The following BBOF1 variants were observed in gnomAD, a reference collection of about 807,000 sequenced individuals.
BBOF1 encodes the protein basal body-orientation factor 1.
Under a neutral mutation model 68.0 loss-of-function variants are expected in BBOF1, and 62 were observed. The observed-to-expected ratio is 0.91, with a 90% CI of 0.74 to 1.13. The LOEUF is 1.13. Among genes scored for constraint, BBOF1 ranks in the 50% most tolerant of loss-of-function variants. The pLI, the probability that BBOF1 is intolerant of heterozygous loss-of-function variation, is 0.00. For missense variants in BBOF1, 534 were observed against 600.1 expected (o/e 0.89, Z 1.15); for synonymous variants, 208 against 198.8 (o/e 1.05, Z -0.39).
In BBOF1 at chr14:74,051,201, G is replaced by A. The variant is rs150477809; in HGVS notation, c.1286+1006G>A. Among the ~76,000 whole-genome samples the A allele has an allele frequency of 9.0e-4, 137 of 151,506 alleles. 1 individual carries two copies. The East Asian group carries it at 0.019, about 21-fold the overall frequency. On this transcript the variant is annotated intron_variant, in intron 8 of 11. Coordinates refer to ENST00000394009, the MANE Select transcript of BBOF1 (RefSeq NM_025057.3). Reference sequence around the variant, plus strand: ...GGAGGTTTCAATGAGCCAAGATCACGCCATTGCACTCCAGCCTGGGTGACA... The same window carrying A: ...GGAGGTTTCAATGAGCCAAGATCACACCATTGCACTCCAGCCTGGGTGACA...
At chr14:74,051,792 C>G (rs1459128900) in intron 8 of BBOF1, among the ~76,000 whole-genome samples, 1 of 151,686 alleles carries the variant, frequency 6.6e-6, no homozygotes, top group Non-Finnish European at 1.5e-5. Flanking sequence ...CTTAAAAGGA[C>G]TGCAGCCTGG....
Position 74,046,043 on chromosome 14 carries a change from C to A in BBOF1, c.577-17C>A, listed in dbSNP as rs751441701. 2.7e-5 allele frequency: 43 copies of A among 1,590,766 alleles called. No homozygotes were observed. Among genetic ancestry groups the A allele is most frequent in the Non-Finnish European group, 3.7e-5 (43 of 1,169,988 alleles). On this transcript the variant is annotated splice_polypyrimidine_tract_variant and intron_variant, in intron 5 of 11. Coordinates refer to ENST00000394009, the MANE Select transcript of BBOF1 (RefSeq NM_025057.3). Reference sequence around the variant, plus strand: ...GTTAGGGGCATAATTATTTAAGCAGCCCATTTTCTTTTTTAGCACCGACTA... The same window carrying A: ...GTTAGGGGCATAATTATTTAAGCAGACCATTTTCTTTTTTAGCACCGACTA...
chr14:74,069,101 CTTTTTTTTTT>C (rs900873855), downstream of BBOF1: 42 of 461,988 alleles, frequency 9.1e-5, no homozygotes, highest in Non-Finnish European at 1.2e-4. Flanking sequence ...TTTACTTTTT[CTTTTTTTTTT>C]TTTTTTTTTT....
intron 3 of BBOF1, among the ~76,000 whole-genome samples, chr14:74,031,462 T>C (rs1243300282): frequency 6.6e-6 from 1 of 152,150 alleles, no homozygotes; most frequent in African/African-American, 2.4e-5. Context: ...TATATCATAG[T>C]TTATTCAAAT....
At chr14:74,025,907 G>C (rs911546473) in intron 2 of BBOF1, among the ~76,000 whole-genome samples, 4 of 147,272 alleles carry the variant, frequency 2.7e-5, no homozygotes, top group East Asian at 2.1e-4. Flanking sequence ...TGGCGGGGTG[G>C]GGGGGGTGCA....
intron 4 of BBOF1, among the ~76,000 whole-genome samples, chr14:74,038,475 G>A (rs1383667108): frequency 6.6e-6 from 1 of 152,136 alleles, no homozygotes; most frequent in African/African-American, 2.4e-5. Context: ...GTGGGCCTTT[G>A]AGGAAGACTT....
chr14:74,031,173 G>A (rs2059560263), intron 3 of BBOF1, among the ~76,000 whole-genome samples: 2 of 151,524 alleles, frequency 1.3e-5, no homozygotes, highest in South Asian at 4.2e-4. Flanking sequence ...GAGTGCAGTG[G>A]CACAATCATG....
rs79860442 is a variant in BBOF1 at position 74,022,992 on chromosome 14, G to C, written c.133G>C (p.Val45Leu). The stretch of plus-strand genomic sequence containing the variant: ...CTCCCTTTGGGAGGCCAGGTTGGAA[G>C]TCACAGAACTCTCTAGGATTAAGTA... ...NASLWEARLE[V>L]TELSRIKYRD... is the part of the protein sequence containing the mutation. Residue 45 changes from valine (V) to leucine (L), a missense_variant, in exon 2 of 12, where the codon GTC becomes CTC. Coordinates refer to ENST00000394009, the MANE Select transcript of BBOF1 (RefSeq NM_025057.3). The C allele has an allele frequency of 6.2e-7, 1 of 1,613,252 alleles. No individual in the cohort carries two copies. The highest frequency in any genetic ancestry group is 2.2e-5 in the East Asian group (1 of 44,850).
chr14:74,071,019 C>T, downstream of BBOF1: 2 of 684,930 alleles, frequency 2.9e-6, no homozygotes, highest in South Asian at 3.4e-5. Flanking sequence ...TGCTATTCCC[C>T]AATCAGTTAC....
Position 74,057,157 on chromosome 14 carries a change from C to T in BBOF1, c.1477C>T (p.Leu493Phe). 1 of 1,612,194 alleles carries T rather than the reference C, an allele frequency of 6.2e-7. No homozygotes were observed. Among genetic ancestry groups the T allele is most frequent in the East Asian group, 2.2e-5 (1 of 44,826 alleles). Residue 493 changes from leucine (L) to phenylalanine (F), a missense_variant, in exon 11 of 12, where the codon CTT (leucine) becomes TTT (phenylalanine). Physicochemically the swap from Leu to Phe is conservative, Grantham distance 22. Transcript: ENST00000394009. Reference protein sequence around the residue: ...ETKEFGDESKLQDKIFITQQI... With the variant: ...ETKEFGDESKFQDKIFITQQI... ...TCATTATTGCAGGGATGAAAGTAAG[C>T]TTCAAGATAAAATCTTCATCACCCA...
intron 8 of BBOF1, among the ~76,000 whole-genome samples, chr14:74,051,942 T>G (rs1190697493): frequency 1.3e-5 from 2 of 151,710 alleles, no homozygotes; most frequent in Non-Finnish European, 2.9e-5. Context: ...TTTTATAGGT[T>G]GTTTTGAATT....
chr14:74,068,492 G>A (rs998662018), downstream of BBOF1, among the ~76,000 whole-genome samples: 3 of 152,162 alleles, frequency 2.0e-5, no homozygotes, highest in Non-Finnish European at 2.9e-5. Flanking sequence ...TGTAATCCCA[G>A]CACTTTGGGA....
chr14:74,079,770 T>C (rs2060653253), intron 10 of BBOF1, among the ~76,000 whole-genome samples: 1 of 152,152 alleles, frequency 6.6e-6, no homozygotes, highest in Admixed American at 6.5e-5. Context: ...GGTTTTGTCA[T>C]GTTGGCCAGG....
chr14:74,081,281 A>G (rs892762772), intron 12 of BBOF1: 2 of 152,242 alleles, frequency 1.3e-5, no homozygotes, highest in African/African-American at 4.8e-5. Flanking sequence ...GAGAGTAAGT[A>G]CTTAGTAAGC....
chr14:74,028,967 CAA>C (rs199711800), intron 2 of BBOF1, among the ~76,000 whole-genome samples: 2 of 147,988 alleles, frequency 1.4e-5, no homozygotes, highest in Non-Finnish European at 3.0e-5. Flanking sequence ...CACACACACA[CAA>C]AAGTTGACCA....
chr14:74,034,168 T>G lies in BBOF1; in HGVS notation c.492T>G (p.Asp164Glu), dbSNP rs765900346. The G allele has an allele frequency of 6.5e-7, 1 of 1,544,262 alleles. No individual in the cohort carries two copies. The highest frequency in any genetic ancestry group is 1.4e-5 in the African/African-American group (1 of 72,264). Residue 164 changes from aspartate to glutamate, a missense_variant, in exon 4 of 12, where the codon GAT becomes GAG. By Grantham distance (45) the Asp-to-Glu change is conservative. Coordinates refer to ENST00000394009, the MANE Select transcript of BBOF1 (RefSeq NM_025057.3). ...AAATCCAAGTGGAGAGAGAGTTAGA[T>G]GATGTAAGTTTCATTCCTTTTTTAC... ...KRKIQVEREL[D>E]DLKENLRNTE...
At chr14:74,055,409 A>G in intron 8 of BBOF1, 175 bp from the exon 9 acceptor site, 1 of 520,722 alleles carries the variant, frequency 1.9e-6, no homozygotes, top group Non-Finnish European at 3.4e-6. Context: ...TCGGCCTCCC[A>G]AAGTGCTGGG....
chr14:74,019,620 C>G, intron 1 of BBOF1, 86 bp downstream of exon 1: 2 of 1,533,478 alleles, frequency 1.3e-6, no homozygotes, highest in Non-Finnish European at 1.8e-6. Context: ...GCCCCCCGCG[C>G]CGGCCCACTC....
intron 5 of BBOF1, among the ~76,000 whole-genome samples, chr14:74,044,827 A>C (rs2139565390): frequency 6.6e-6 from 1 of 152,192 alleles, no homozygotes; most frequent in East Asian, 1.9e-4. Context: ...CGAGAGGCTG[A>C]GGTGAAAGAA....
Sources: allele counts gnomAD v4.1 joint callset (sites outside exome capture counted in the v4.1 genomes callset), GRCh38; gene constraint gnomAD v4.1.1; transcripts MANE v1.5; gene names NCBI Gene and HGNC (gene_info 2026-07-23, HGNC 2026-07-21).